SLC26A3: variants seen among roughly 807,000 people sequenced by gnomAD.
SLC26A3 encodes solute carrier family 26 member 3.
In SLC26A3, 64 loss-of-function variants were observed where a neutral mutation model predicts 85.6. The ratio of observed to expected loss-of-function variants is 0.75; its 90% CI spans 0.61 to 0.92. The LOEUF (loss-of-function observed/expected upper bound fraction) is 0.92. Among genes scored for constraint, SLC26A3 ranks in the 40% least tolerant of loss-of-function variants. The pLI, the probability that SLC26A3 is intolerant of heterozygous loss-of-function variation, is 0.00. For missense variants in SLC26A3, 922 were observed against 927.3 expected (o/e 0.99, Z 0.07); for synonymous variants, 349 against 336.0 (o/e 1.04, Z -0.42).
In SLC26A3 at chr7:107,787,363, G is replaced by T; in HGVS notation, c.882C>A (p.Phe294Leu). The change falls in exon 7 of 21, where the codon TTC (phenylalanine) becomes TTA (leucine). Residue 294 changes from phenylalanine to leucine, a missense_variant. Coordinates refer to ENST00000340010, the MANE Select transcript of SLC26A3 (RefSeq NM_000111.3). ...TCTGAAAATGATCAATTACCATAAT[G>T]AATTCGATTGGAATGGGCACTGGAA... ...DKLPVPIPIE[F>L]IMTVIAAGVS... 6.2e-7 allele frequency: 1 copy of T among 1,613,958 alleles called. No individual in the cohort carries two copies. The highest frequency in any genetic ancestry group is 8.5e-7 in the Non-Finnish European group (1 of 1,179,880).
intron 1 of SLC26A3, among the ~76,000 whole-genome samples, chr7:107,797,569 T>G (rs776172726): frequency 6.6e-6 from 1 of 152,048 alleles, no homozygotes; most frequent in Non-Finnish European, 1.5e-5. Context: ...AGCCTTTCTG[T>G]TTTCCCCTTG....
At chr7:107,801,279 T>C (rs1317743442) in intron 1 of SLC26A3, among the ~76,000 whole-genome samples, 2 of 152,208 alleles carry the variant, frequency 1.3e-5, no homozygotes, top group Non-Finnish European at 2.9e-5. Flanking sequence ...CTGCTACATA[T>C]TCAATGTCAG....
chr7:107,790,582 C>T (rs917031489), intron 5 of SLC26A3, among the ~76,000 whole-genome samples: 1 of 152,130 alleles, frequency 6.6e-6, no homozygotes, highest in African/African-American at 2.4e-5. Flanking sequence ...CCATAATCCT[C>T]GTCAGTTTTC....
chr7:107,799,651 C>CA (rs1371569021), intron 1 of SLC26A3, among the ~76,000 whole-genome samples: 1 of 152,184 alleles, frequency 6.6e-6, no homozygotes, highest in Non-Finnish European at 1.5e-5. Flanking sequence ...CTTGGCCTCC[C>CA]AAAATGCTGG....
chr7:107,785,054 C>A (rs541793777), intron 8 of SLC26A3, among the ~76,000 whole-genome samples: 1 of 152,028 alleles, frequency 6.6e-6, no homozygotes, highest in South Asian at 2.1e-4. Flanking sequence ...TCAATCATCA[C>A]CCAGAAAAAA....
intron 11 of SLC26A3, among the ~76,000 whole-genome samples, chr7:107,780,989 G>A (rs1794206996): frequency 6.6e-6 from 1 of 152,134 alleles, no homozygotes; most frequent in Non-Finnish European, 1.5e-5. Flanking sequence ...AATTCTCTAA[G>A]TATAAAATAT....
chr7:107,770,004 TTC>T (rs1417491874), intron 18 of SLC26A3, among the ~76,000 whole-genome samples: 1 of 31,258 alleles, frequency 3.2e-5, no homozygotes, highest in Non-Finnish European at 5.5e-5. Flanking sequence ...TTTTTTCTCT[TTC>T]TTTCTTTCTT....
At position 107,782,872 on chromosome 7, in the gene SLC26A3, A is replaced by C; in HGVS notation, c.1236T>G (p.Ile412Met). ...CGATGATGGCACCAATAAGCCCAGC[A>C]ATCTGTGAGGATAAAAAAATTATCA... Reference protein sequence around the residue: ...VQESTGGKTQIAGLIGAIIVL... With the variant: ...VQESTGGKTQMAGLIGAIIVL... The change falls in exon 11 of 21, where the codon ATT becomes ATG. Residue 412 changes from isoleucine to methionine, a missense_variant and splice_region_variant. Physicochemically the swap from Ile to Met is conservative, Grantham distance 10 (BLOSUM62 1). Coordinates refer to ENST00000340010, the MANE Select transcript of SLC26A3 (RefSeq NM_000111.3). The C allele has an allele frequency of 1.2e-6, 2 of 1,613,992 alleles. No individual in the cohort carries two copies. Among genetic ancestry groups the C allele is most frequent in the Non-Finnish European group, 1.7e-6 (2 of 1,180,002 alleles).
Position 107,778,014 on chromosome 7 carries a change from G to A in SLC26A3, c.1514+161C>T, listed in dbSNP as rs569816629. On this transcript the variant is annotated intron_variant, in intron 13 of 20. Coordinates refer to ENST00000340010, the MANE Select transcript of SLC26A3 (RefSeq NM_000111.3). ...GCTGGGCCGTGCTATTGCCCTTCAG[G>A]CCTTGAGATGAGCAACTGGAGGGAG... is the stretch of plus-strand genomic sequence containing the variant. Among the ~76,000 whole-genome samples the A allele has an allele frequency of 2.6e-5, 4 of 152,310 alleles. No homozygotes were observed. The South Asian group carries it at 6.2e-4, about 24-fold the overall frequency.
intron 5 of SLC26A3, 133 bp from the exon 6 acceptor site, chr7:107,789,821 A>T (rs2115868625): frequency 2.1e-6 from 2 of 932,242 alleles, no homozygotes; most frequent in East Asian, 5.3e-5. Flanking sequence ...GAAGAAGCAA[A>T]TGTCCCTGCC....
intron 11 of SLC26A3, among the ~76,000 whole-genome samples, chr7:107,782,061 T>C (rs1794223172): frequency 6.6e-6 from 1 of 152,140 alleles, no homozygotes; most frequent in African/African-American, 2.4e-5. Flanking sequence ...GGTTAAGTAA[T>C]TTGCCCAAAA....
Position 107,769,261 on chromosome 7 carries a change from T to TA in SLC26A3, c.2063-1354dup, listed in dbSNP as rs1793964970. ...CAAAGGAATATAAATCATTCTTTTATAAAGACGCATGCATGCATACATTGA... is the reference window on the plus strand; with the variant it reads ...CAAAGGAATATAAATCATTCTTTTATAAAAGACGCATGCATGCATACATTGA... On this transcript the variant is annotated intron_variant, in intron 18 of 20. Transcript: ENST00000340010. 2.0e-5 allele frequency among the ~76,000 whole-genome samples: 3 copies of TA among 152,132 alleles called. No individual in the cohort carries two copies. In the South Asian group the frequency reaches 6.2e-4, roughly 32 times the overall value.
chr7:107,770,000 C>CCCTTTCTTTCTTTCTTTCTT (rs1554377064), intron 18 of SLC26A3, among the ~76,000 whole-genome samples: 2 of 130,994 alleles, frequency 1.5e-5, no homozygotes, highest in Non-Finnish European at 3.3e-5. Context: ...TTCCTTTTTT[C>CCCTTTCTTTCTTTCTTTCTT]TCTTTCTTTC....
chr7:107,766,086 T>A (rs1793909721), intron 20 of SLC26A3, among the ~76,000 whole-genome samples: 1 of 152,300 alleles, frequency 6.6e-6, no homozygotes, highest in Admixed American at 6.5e-5. Flanking sequence ...CTTAAAGTAA[T>A]GGTACAGTGT....
intron 8 of SLC26A3, among the ~76,000 whole-genome samples, chr7:107,786,326 T>C (rs1425038281): frequency 6.6e-6 from 1 of 152,120 alleles, no homozygotes; most frequent in African/African-American, 2.4e-5. Flanking sequence ...GTATTATTTA[T>C]ATATTTTTAA....
chr7:107,782,835 C>G lies in SLC26A3; in HGVS notation c.1273G>C (p.Val425Leu), dbSNP rs146161125. 4.3e-6 allele frequency: 7 copies of G among 1,614,084 alleles called. No homozygotes were observed. Among genetic ancestry groups the G allele is most frequent in the Non-Finnish European group, 5.9e-6 (7 of 1,179,978 alleles). The change falls in exon 11 of 21, where the codon GTT (valine) becomes CTT (leucine). Residue 425 changes from valine to leucine, a missense_variant. Val to Leu is a conservative substitution (Grantham distance 32). Transcript: ENST00000340010. ...GCCAGGAGAAATCCAATGGCTAGAA[C>G]GACAATCAGCACGATGATGGCACCA... ...LIGAIIVLIV[V>L]LAIGFLLAPL...
rs1332685363 is a variant in SLC26A3 at position 107,782,783 on chromosome 7, A to C, written c.1311+14T>G. On this transcript the variant is annotated intron_variant, in intron 11 of 20. Transcript: ENST00000340010. The stretch of plus-strand genomic sequence containing the variant: ...ACCACTAAAAGTAGAGATGCTATCC[A>C]AAGACAGTGTTACCTTTTGTAGAGG... 6.2e-7 allele frequency: 1 copy of C among 1,612,590 alleles called. No homozygotes were observed. The highest frequency in any genetic ancestry group is 8.5e-7 in the Non-Finnish European group (1 of 1,178,584).
intron 20 of SLC26A3, among the ~76,000 whole-genome samples, chr7:107,766,449 C>A (rs539453120): frequency 1.3e-5 from 2 of 152,018 alleles, no homozygotes; most frequent in African/African-American, 4.8e-5. Context: ...GGCAAGGTGC[C>A]AGTTTTATTG....
At chr7:107,789,362 C>T (rs945471381) in intron 6 of SLC26A3, among the ~76,000 whole-genome samples, 162 bp downstream of exon 6, 9 of 151,652 alleles carry the variant, frequency 5.9e-5, no homozygotes, top group East Asian at 1.9e-4. Context: ...TCTCGTGATC[C>T]GCCCGCCTCG....
Sources: gnomAD v4.1 joint callset for allele counts (sites outside exome capture counted in the v4.1 genomes callset) on GRCh38, gnomAD v4.1.1 for gene constraint, MANE v1.5 for transcripts, NCBI Gene and HGNC (gene_info 2026-07-23, HGNC 2026-07-21) for gene names.